The following PRKACA variants were observed in gnomAD, a reference collection of about 807,000 sequenced individuals.
PRKACA encodes cAMP-dependent protein kinase catalytic subunit alpha.
In PRKACA, 9 loss-of-function variants were observed where a neutral mutation model predicts 45.8. That is an observed-to-expected ratio of 0.20 (90% CI 0.12 to 0.34). The LOEUF is 0.34. Among genes scored for constraint, PRKACA ranks in the 10% least tolerant of loss-of-function variants. The pLI, the probability that PRKACA is intolerant of heterozygous loss-of-function variation, is 1.00. For synonymous variants in PRKACA, 160 were observed against 178.6 expected (o/e 0.90, Z 0.83); for missense variants, 238 against 458.6 (o/e 0.52, Z 4.39).
chr19:14,093,687 C>T lies in PRKACA; in HGVS notation c.871G>A (p.Asp291Asn). Residue 291 changes from aspartate (D) to asparagine (N), a missense_variant, in exon 9 of 10, where the codon GAT becomes AAT. By Grantham distance (23) the Asp-to-Asn change is conservative. This residue lies in a region of PRKACA where 94 missense variants were observed against 240.9 expected (regional missense o/e 0.39). Transcript: ENST00000308677. ...RFGNLKNGVN[D>N]IKNHKWFATT... ...GCAAACCACTTGTGGTTCTTGATAT[C>T]GTTGACCCCATTCTTGAGGTTCCCA... 6.2e-7 allele frequency: 1 copy of T among 1,614,156 alleles called. No individual in the cohort carries two copies. The highest frequency in any genetic ancestry group is 1.3e-5 in the African/African-American group (1 of 75,046).
At chr19:14,094,000 T>C (rs933106939) in intron 8 of PRKACA, among the ~76,000 whole-genome samples, 1 of 152,084 alleles carries the variant, frequency 6.6e-6, no homozygotes, top group Non-Finnish European at 1.5e-5. Context: ...TGCATTTCTT[T>C]AAAAACTTTA....
At chr19:14,095,788 T>TTTATA (rs1355947922) in intron 8 of PRKACA, among the ~76,000 whole-genome samples, 1 of 152,068 alleles carries the variant, frequency 6.6e-6, no homozygotes, top group Non-Finnish European at 1.5e-5. Flanking sequence ...AATGCTGGGA[T>TTTATA]TATAGGTGTG....
intron 1 of PRKACA, among the ~76,000 whole-genome samples, chr19:14,108,952 T>G (rs1280545476): frequency 6.7e-6 from 1 of 149,844 alleles, no homozygotes; most frequent in Non-Finnish European, 1.5e-5. Flanking sequence ...GGTCTCGAAC[T>G]CCTGACCTCA....
intron 1 of PRKACA, among the ~76,000 whole-genome samples, chr19:14,117,250 T>C (rs1967127276): frequency 6.7e-6 from 1 of 149,392 alleles, no homozygotes; most frequent in South Asian, 2.1e-4. Flanking sequence ...CGGTCATACG[T>C]GCCATGGTTG....
At chr19:14,113,192 G>A (rs537243791) in intron 1 of PRKACA, among the ~76,000 whole-genome samples, 14 of 152,076 alleles carry the variant, frequency 9.2e-5, no homozygotes, top group East Asian at 1.9e-4. Flanking sequence ...AACCGGAAAC[G>A]AGCGGCTAAA....
chr19:14,093,887 T>G, intron 8 of PRKACA, 95 bp from the exon 9 acceptor site: 1 of 1,332,566 alleles, frequency 7.5e-7, no homozygotes, highest in Non-Finnish European at 1.0e-6. Context: ...CTACTGGGTG[T>G]GGGCCTCCAA....
chr19:14,114,933 C>A (rs958393057), intron 1 of PRKACA, among the ~76,000 whole-genome samples: 14 of 152,172 alleles, frequency 9.2e-5, no homozygotes, highest in Non-Finnish European at 1.8e-4. Flanking sequence ...TGACCCCAGT[C>A]GGGCCGGCGT....
At chr19:14,100,446 C>G (rs1037423490) in intron 5 of PRKACA, among the ~76,000 whole-genome samples, 3 of 152,046 alleles carry the variant, frequency 2.0e-5, no homozygotes, top group African/African-American at 4.8e-5. Flanking sequence ...TACAGGTGCC[C>G]ACCACCATGC....
At chr19:14,114,346 C>G (rs1967062367) in intron 1 of PRKACA, among the ~76,000 whole-genome samples, 1 of 152,106 alleles carries the variant, frequency 6.6e-6, no homozygotes, top group Non-Finnish European at 1.5e-5. Context: ...TAGGGCCCTC[C>G]GAGTTTCTGT....
intron 1 of PRKACA, among the ~76,000 whole-genome samples, chr19:14,112,061 C>T (rs1966980590): frequency 6.6e-6 from 1 of 152,170 alleles, no homozygotes; most frequent in South Asian, 2.1e-4. Context: ...CTTCTCTGGC[C>T]TCTCAAAGGA....
chr19:14,107,490 G>C (rs774227338), intron 1 of PRKACA, 81 bp from the exon 2 acceptor site: 88 of 1,495,246 alleles, frequency 5.9e-5, no homozygotes, highest in Non-Finnish European at 7.5e-5. Flanking sequence ...GGAGATACTT[G>C]GTGGAAAGTG....
chr19:14,097,519 G>C lies in PRKACA; in HGVS notation c.643-36C>G. 6.2e-7 allele frequency: 1 copy of C among 1,613,932 alleles called. No individual in the cohort carries two copies. Among genetic ancestry groups the C allele is most frequent in the East Asian group, 2.2e-5 (1 of 44,882 alleles). ...ATGGGGGGGCACAGGGTGAGGAGGA[G>C]GCGAGAGCAGGAGAGCAGAGCCGGC... On this transcript the variant is annotated intron_variant, in intron 7 of 9. Coordinates refer to ENST00000308677, the MANE Select transcript of PRKACA (RefSeq NM_002730.4). The surrounding 1 kb of genome is among the most constrained non-coding windows in gnomAD (Gnocchi z 5.4).
Position 14,117,478 on chromosome 19 carries a change from C to T in PRKACA, c.46+24G>A, listed in dbSNP as rs1010323801. On this transcript the variant is annotated intron_variant, in intron 1 of 9. Transcript: ENST00000308677. ...AGGGCTGGCAGCGCAGGGCCAAGAT[C>T]GGGGTCACAGCCCGGGCACTCACCG... The T allele has an allele frequency of 4.0e-6, 5 of 1,256,264 alleles. No individual in the cohort carries two copies. The African/African-American group carries it at 7.8e-5, about 19-fold the overall frequency. 77.8% of individuals were successfully genotyped at this position (1,256,264 alleles called of 1,614,324 possible). A position where few individuals can be genotyped will look rare whatever the true frequency, so the allele number is the denominator to read the frequency against.
chr19:14,114,193 G>A (rs1967056317), intron 1 of PRKACA: 2 of 1,604,248 alleles, frequency 1.2e-6, no homozygotes, highest in Admixed American at 1.7e-5. Context: ...CACTACGGTG[G>A]CTGGGAAGGC....
intron 3 of PRKACA, among the ~76,000 whole-genome samples, chr19:14,104,688 T>TC (rs1192608855): frequency 8.5e-6 from 1 of 117,720 alleles, no homozygotes; most frequent in African/African-American, 3.4e-5. Context: ...AGAGCGAGAC[T>TC]CCATCTCAAA....
rs758375271 is a variant in PRKACA, at chr19:14,097,881, A to T, written c.429T>A (p.His143Gln). Reference protein sequence around the residue: ...LRRIGRFSEPHARFYAAQIVL... With the variant: ...LRRIGRFSEPQARFYAAQIVL... ...CGATCTGGGCCGCGTAGAAACGGGC[A>T]TGGGGCTCACTGATGGGGACAAATG... Residue 143 changes from histidine (H) to glutamine (Q), a missense_variant, in exon 6 of 10, where the codon CAT (histidine) becomes CAA (glutamine). By Grantham distance (24) the His-to-Gln change is conservative. Around this residue, in one of 3 missense-constraint regions of PRKACA, gnomAD observed 94 missense variants for 240.9 expected, o/e 0.39. Transcript: ENST00000308677. This position sits in a 1 kb window ranked among gnomAD's most constrained non-coding sequence, Gnocchi z 5.4. 1 of 1,614,180 alleles carries T rather than the reference A, an allele frequency of 6.2e-7. No homozygotes were observed. The highest frequency in any genetic ancestry group is 1.1e-5 in the South Asian group (1 of 91,084).
In PRKACA at chr19:14,093,694, C is replaced by T. The variant is rs774370135; in HGVS notation, c.864G>A (p.Gly288=). The T allele has an allele frequency of 1.9e-6, 3 of 1,614,038 alleles. No individual in the cohort carries two copies. The highest frequency in any genetic ancestry group is 3.3e-5 in the Admixed American group (2 of 59,992). ...ACTTGTGGTTCTTGATATCGTTGAC[C>T]CCATTCTTGAGGTTCCCAAAGCGCT... ...LTKRFGNLKN[G]VNDIKNHKWF... The change falls in exon 9 of 10, where the codon GGG becomes GGA. Residue 288 remains glycine (G), a synonymous_variant. Transcript: ENST00000308677.
At chr19:14,115,941 T>A (rs533357871) in intron 1 of PRKACA, among the ~76,000 whole-genome samples, 1 of 152,168 alleles carries the variant, frequency 6.6e-6, no homozygotes, top group Non-Finnish European at 1.5e-5. Flanking sequence ...CCTGCTCCTC[T>A]GTCATCAGGC....
intron 1 of PRKACA, chr19:14,114,006 C>T: frequency 2.7e-6 from 3 of 1,126,028 alleles, no homozygotes; most frequent in Non-Finnish European, 3.9e-6. Context: ...GGAGGCGTTT[C>T]CAGGGCCAGC....
Sources: gnomAD v4.1 joint callset for allele counts (sites outside exome capture counted in the v4.1 genomes callset) on GRCh38, gnomAD v4.1.1 for gene constraint, gnomAD v4.1.1 regional missense constraint, Gnocchi (gnomAD v3.1) non-coding constraint, MANE v1.5 for transcripts, NCBI Gene and HGNC (gene_info 2026-07-23, HGNC 2026-07-21) for gene names.